PCDH15: variants seen among roughly 807,000 people sequenced by gnomAD.
The protein encoded by PCDH15 is protocadherin-15.
In PCDH15, 129 loss-of-function variants were observed where a neutral mutation model predicts 178.5. That is an observed-to-expected ratio of 0.72 (90% CI 0.63 to 0.84). The LOEUF (loss-of-function observed/expected upper bound fraction) is 0.84, where lower values mean the gene tolerates loss of function less well. Among genes scored for constraint, PCDH15 ranks in the 40% least tolerant of loss-of-function variants. The probability of loss-of-function intolerance (pLI) is 0.00; values close to 1 mark genes in which losing one functional copy is unlikely to be tolerated. For missense variants in PCDH15, 2,230 were observed against 2,099.9 expected (o/e 1.06, Z -1.21); for synonymous variants, 800 against 732.0 (o/e 1.09, Z -1.50).
chr10:54,713,608 A>T (rs1446207128), intron 1 of PCDH15, among the ~76,000 whole-genome samples: 1 of 152,114 alleles, frequency 6.6e-6, no homozygotes, highest in Non-Finnish European at 1.5e-5. Flanking sequence ...TCATCTGTAT[A>T]ATCAGTGTCT....
chr10:54,576,548 T>C (rs1229910816), intron 2 of PCDH15, among the ~76,000 whole-genome samples: 1 of 152,226 alleles, frequency 6.6e-6, no homozygotes, highest in Non-Finnish European at 1.5e-5. Flanking sequence ...ATTATCTTTA[T>C]TCATGTCATG....
intron 10 of PCDH15, among the ~76,000 whole-genome samples, chr10:54,207,647 T>C (rs573800986): frequency 1.3e-5 from 2 of 152,144 alleles, no homozygotes; most frequent in African/African-American, 4.8e-5. Context: ...AGGAACTCTC[T>C]GGTGGGAGGT....
intron 2 of PCDH15, among the ~76,000 whole-genome samples, chr10:55,017,831 C>T (rs1197386117): frequency 2.6e-5 from 4 of 152,064 alleles, no homozygotes; most frequent in South Asian, 4.2e-4. Flanking sequence ...ACTCAGTGGT[C>T]TATAGACTAA....
chr10:54,924,917 T>C lies in PCDH15; in HGVS notation c.-79-27417A>G, dbSNP rs979159705. ...GTTACCTGTTTACTATGTTGATCGT[T>C]TATTTTGCTGTGCAGAAGCTATCTA... On this transcript the variant is annotated intron_variant, in intron 2 of 5. Transcript: ENST00000458638. Among the ~76,000 whole-genome samples, 76 of 152,182 alleles carry C rather than the reference T, an allele frequency of 5.0e-4. 1 individual carries two copies. Among genetic ancestry groups the C allele is most frequent in the Non-Finnish European group, 1.8e-4 (12 of 68,032 alleles).
At chr10:55,532,371 T>C (rs779189058) in intron 2 of PCDH15, among the ~76,000 whole-genome samples, 15 of 152,056 alleles carry the variant, frequency 9.9e-5, no homozygotes, top group Non-Finnish European at 2.1e-4. Context: ...TTTTTTTCCA[T>C]AATTAAGGGT....
At chr10:54,536,858 A>G (rs1270440085) in intron 2 of PCDH15, among the ~76,000 whole-genome samples, 1 of 152,164 alleles carries the variant, frequency 6.6e-6, no homozygotes, top group African/African-American at 2.4e-5. Flanking sequence ...ATAGAATTCT[A>G]TGGTGCATGT....
rs190791998 is a variant in PCDH15, at chr10:54,081,552, G to A, written c.1998-2128C>T. Among the ~76,000 whole-genome samples the A allele has an allele frequency of 7.7e-3, 1,168 of 152,134 alleles. 20 individuals carry two copies. The highest frequency in any genetic ancestry group is 0.027 in the African/African-American group (1,100 of 41,504). ...TGTGGTATATTTGGGCAATGCAGAA[G>A]GGGAGAAACACAGGCAGTGTATTTT... is the stretch of plus-strand genomic sequence containing the variant. On this transcript the variant is annotated intron_variant, in intron 16 of 37. Coordinates refer to ENST00000644397, the MANE Select transcript of PCDH15 (RefSeq NM_001384140.1).
intron 2 of PCDH15, among the ~76,000 whole-genome samples, chr10:54,933,122 A>G (rs1591792278): frequency 6.6e-6 from 1 of 152,218 alleles, no homozygotes; most frequent in Non-Finnish European, 1.5e-5. Flanking sequence ...AATAAATTAT[A>G]CCATATAGCC....
chr10:54,216,178 C>A (rs964609859), intron 9 of PCDH15, among the ~76,000 whole-genome samples: 10 of 149,566 alleles, frequency 6.7e-5, no homozygotes, highest in South Asian at 2.1e-4. Flanking sequence ...GGGGCTGGCT[C>A]GGCGCAGTGG....
chr10:54,506,851 A>C (rs1269448007), intron 3 of PCDH15, among the ~76,000 whole-genome samples: 1 of 152,064 alleles, frequency 6.6e-6, no homozygotes, highest in Non-Finnish European at 1.5e-5. Context: ...GACTGTGTGA[A>C]GGTACCAGGA....
chr10:53,868,833 C>T (rs1434888032), intron 26 of PCDH15, among the ~76,000 whole-genome samples: 1 of 152,012 alleles, frequency 6.6e-6, no homozygotes, highest in Non-Finnish European at 1.5e-5. Flanking sequence ...AGTTAATATT[C>T]TCTTTTCTTT....
chr10:53,888,400 A>C (rs2081302784), intron 26 of PCDH15, among the ~76,000 whole-genome samples: 1 of 141,254 alleles, frequency 7.1e-6, no homozygotes, highest in Admixed American at 7.3e-5. Context: ...GGGGTTTCTT[A>C]ATATTACAAA....
intron 1 of PCDH15, among the ~76,000 whole-genome samples, chr10:55,203,560 C>T (rs1018673378): frequency 2.0e-5 from 3 of 152,028 alleles, no homozygotes; most frequent in Admixed American, 6.6e-5. Flanking sequence ...GGCTTCCTTG[C>T]TCAGAAATCA....
chr10:55,126,022 T>A (rs1837890336), intron 2 of PCDH15, among the ~76,000 whole-genome samples: 1 of 152,094 alleles, frequency 6.6e-6, no homozygotes, highest in African/African-American at 2.4e-5. Context: ...TTGACCAAGA[T>A]TTTTGAGTAA....
intron 21 of PCDH15, chr10:53,995,053 T>A (rs1255818599): frequency 6.6e-6 from 1 of 152,106 alleles, no homozygotes; most frequent in Non-Finnish European, 1.5e-5. Flanking sequence ...AAGGTATTTA[T>A]AGAAAGCTTT....
intron 2 of PCDH15, among the ~76,000 whole-genome samples, chr10:54,640,762 T>A (rs540980500): frequency 6.6e-6 from 1 of 152,082 alleles, no homozygotes; most frequent in African/African-American, 2.4e-5. Context: ...AAATGCCAGT[T>A]GTGCACTTCT....
intron 1 of PCDH15, among the ~76,000 whole-genome samples, chr10:54,782,441 A>G (rs922402166): frequency 2.0e-5 from 3 of 152,156 alleles, no homozygotes; most frequent in African/African-American, 7.2e-5. Flanking sequence ...CATCTGGCAA[A>G]GAGTATTGCT....
At chr10:54,235,425 GCT>G (rs1312079705) in intron 9 of PCDH15, among the ~76,000 whole-genome samples, 1 of 152,104 alleles carries the variant, frequency 6.6e-6, no homozygotes, top group African/African-American at 2.4e-5. Context: ...CATCCAACTG[GCT>G]CTGAGTATCA....
intron 2 of PCDH15, among the ~76,000 whole-genome samples, chr10:55,365,668 A>G (rs1387559000): frequency 6.6e-6 from 1 of 151,854 alleles, no homozygotes; most frequent in Non-Finnish European, 1.5e-5. Flanking sequence ...ATATGGTTTT[A>G]AAAAGGGGAG....
Sources: gnomAD v4.1 joint callset for allele counts (sites outside exome capture counted in the v4.1 genomes callset) on GRCh38, gnomAD v4.1.1 for gene constraint, MANE v1.5 for transcripts, NCBI Gene and HGNC (gene_info 2026-07-23, HGNC 2026-07-21) for gene names.